Variants in SDK2 observed in about 807,000 individuals in gnomAD.
The protein encoded by SDK2 is sidekick cell adhesion molecule 2.
Under a neutral mutation model 253.9 loss-of-function variants are expected in SDK2, and 105 were observed. That is an observed-to-expected ratio of 0.41 (90% CI 0.35 to 0.49). The LOEUF (loss-of-function observed/expected upper bound fraction) is 0.49. Ranked by LOEUF, SDK2 falls within the 20% of genes least tolerant of loss-of-function variation. The pLI is 0.06. For synonymous variants in SDK2, 1,249 were observed against 1,234.9 expected (o/e 1.01, Z -0.24); for missense variants, 2,608 against 3,003.0 (o/e 0.87, Z 3.07).
chr17:73,345,727 G>T (rs2062477504), intron 44 of SDK2, among the ~76,000 whole-genome samples: 1 of 152,052 alleles, frequency 6.6e-6, no homozygotes, highest in Non-Finnish European at 1.5e-5. Context: ...AGGGGTGGGG[G>T]CCTTCCCAAC....
chr17:73,505,973 G>C (rs750783918), intron 2 of SDK2, among the ~76,000 whole-genome samples: 2 of 152,234 alleles, frequency 1.3e-5, no homozygotes, highest in Non-Finnish European at 2.9e-5. Flanking sequence ...AGCAGTGCCA[G>C]GGCCCCAGAA....
In SDK2 at chr17:73,494,960, A is replaced by C. The variant is rs370056397; in HGVS notation, c.224+12478T>G. Among the ~76,000 whole-genome samples the C allele has an allele frequency of 1.2e-4, 19 of 152,352 alleles. No individual in the cohort carries two copies. The East Asian group carries it at 3.3e-3, about 26-fold the overall frequency. On this transcript the variant is annotated intron_variant, in intron 2 of 44. Transcript: ENST00000392650. ...TTGGCTAATGGTTTTAGCAGGACTG[A>C]TCAGAGGAGGCGGGAGTGAATCATT... is the stretch of plus-strand genomic sequence containing the variant.
intron 40 of SDK2, among the ~76,000 whole-genome samples, chr17:73,357,171 G>A (rs938101605): frequency 3.9e-5 from 6 of 152,214 alleles, no homozygotes; most frequent in East Asian, 3.8e-4. Flanking sequence ...AGGCAGGAGC[G>A]GTGGTAATGT....
intron 1 of SDK2, among the ~76,000 whole-genome samples, chr17:73,617,948 A>G (rs1366172295): frequency 6.6e-6 from 1 of 152,188 alleles, no homozygotes; most frequent in Non-Finnish European, 1.5e-5. Context: ...TTAAAACAAA[A>G]CAGAACAAAG....
rs2044862021 is a variant in SDK2, at chr17:73,541,108, C to T, written c.65-33511G>A. ...CTGCCCAGCCCCTAACATGGGGCAC[C>T]CCTCCCGCTACTCCTGGCCAAAGTG... On this transcript the variant is annotated intron_variant, in intron 1 of 44. Transcript: ENST00000392650. This position sits in a 1 kb window ranked among gnomAD's most constrained non-coding sequence, Gnocchi z 4.3. Among the ~76,000 whole-genome samples, 1 of 152,214 alleles carries T rather than the reference C, an allele frequency of 6.6e-6. No homozygotes were observed. The highest frequency in any genetic ancestry group is 1.5e-5 in the Non-Finnish European group (1 of 68,042).
chr17:73,343,356 A>C (rs1310615728), intron 44 of SDK2, among the ~76,000 whole-genome samples: 2 of 152,254 alleles, frequency 1.3e-5, no homozygotes, highest in African/African-American at 4.8e-5. Flanking sequence ...AGGGCTTTGC[A>C]TCAGCGACTG....
rs973897734 is a variant in SDK2, at chr17:73,395,707, C to T, written c.3355-315G>A. Among the ~76,000 whole-genome samples the T allele has an allele frequency of 3.3e-5, 5 of 152,208 alleles. No individual in the cohort carries two copies. The highest frequency in any genetic ancestry group is 6.5e-5 in the Admixed American group (1 of 15,286). On this transcript the variant is annotated intron_variant, in intron 24 of 44. Coordinates refer to ENST00000392650, the MANE Select transcript of SDK2 (RefSeq NM_001144952.2). The surrounding 1 kb of genome is among the most constrained non-coding windows in gnomAD (Gnocchi z 4.3). Reference sequence around the variant, plus strand: ...TGTGTGTCTGACACACCGATAGCACCGCCACCTTTGGCTCTGCTGTCTCTG... The same window carrying T: ...TGTGTGTCTGACACACCGATAGCACTGCCACCTTTGGCTCTGCTGTCTCTG...
Position 73,541,143 on chromosome 17 carries a change from C to A in SDK2, c.65-33546G>T, listed in dbSNP as rs555855490. Among the ~76,000 whole-genome samples, 1 of 152,330 alleles carries A rather than the reference C, an allele frequency of 6.6e-6. No homozygotes were observed. The highest frequency in any genetic ancestry group is 2.1e-4 in the South Asian group (1 of 4,824). On this transcript the variant is annotated intron_variant, in intron 1 of 44. Transcript: ENST00000392650. This position sits in a 1 kb window ranked among gnomAD's most constrained non-coding sequence, Gnocchi z 4.3. ...ACTCCTGGCCAAAGTGGTATGAGCA[C>A]CCTCAGAGCAGCTGTGAGGACAGCT...
chr17:73,591,215 G>T (rs2045677574), intron 1 of SDK2, among the ~76,000 whole-genome samples: 1 of 152,164 alleles, frequency 6.6e-6, no homozygotes, highest in Non-Finnish European at 1.5e-5. Context: ...ACCGCACCCG[G>T]TCTTAACTGT....
chr17:73,390,662 C>G (rs559855897), intron 28 of SDK2, among the ~76,000 whole-genome samples, 181 bp from the exon 29 acceptor site: 1 of 152,308 alleles, frequency 6.6e-6, no homozygotes, highest in African/African-American at 2.4e-5. Flanking sequence ...TCAGCTGCCA[C>G]CTGGGGAGGG....
intron 44 of SDK2, among the ~76,000 whole-genome samples, chr17:73,347,537 C>A (rs1404295086): frequency 6.6e-6 from 1 of 152,170 alleles, no homozygotes; most frequent in East Asian, 1.9e-4. Flanking sequence ...GAGTGGGAGG[C>A]CCTCAGCCCA....
intron 1 of SDK2, among the ~76,000 whole-genome samples, chr17:73,552,552 G>T (rs937874702): frequency 6.6e-6 from 1 of 152,126 alleles, no homozygotes; most frequent in African/African-American, 2.4e-5. Context: ...TACTCGGCCG[G>T]AGTACCCATC....
intron 1 of SDK2, among the ~76,000 whole-genome samples, chr17:73,613,508 T>G (rs2143142924): frequency 6.6e-6 from 1 of 152,168 alleles, no homozygotes; most frequent in South Asian, 2.1e-4. Flanking sequence ...CTAATCCCAT[T>G]TCATCCGCTT....
chr17:73,483,703 A>AT lies in SDK2; in HGVS notation c.225-11486dup, dbSNP rs1425316119. Among the ~76,000 whole-genome samples, 32 of 60,224 alleles carry AT rather than the reference A, an allele frequency of 5.3e-4. 2 individuals carry two copies. Among genetic ancestry groups the AT allele is most frequent in the Middle Eastern group, 7.4e-3 (1 of 136 alleles). The allele number at this position is 60,224 out of a possible 152,430, so 39.5% of individuals were successfully genotyped here. On this transcript the variant is annotated intron_variant, in intron 2 of 44. Coordinates refer to ENST00000392650, the MANE Select transcript of SDK2 (RefSeq NM_001144952.2). ...TATATTTATATATATATATATATAT[A>AT]TATATTTTTTTTTTTTTTTAGTAGA...
chr17:73,582,039 C>T (rs1012569437), intron 1 of SDK2, among the ~76,000 whole-genome samples: 2 of 152,178 alleles, frequency 1.3e-5, no homozygotes, highest in Non-Finnish European at 2.9e-5. Flanking sequence ...GAGGCCCTCT[C>T]GTATCTTACT....
chr17:73,405,458 A>C (rs1414507486), intron 18 of SDK2, among the ~76,000 whole-genome samples: 2 of 105,832 alleles, frequency 1.9e-5, no homozygotes, highest in South Asian at 6.7e-4. Context: ...AAAAAAACAA[A>C]CAAAAAACCA....
At chr17:73,453,184 A>G (rs2063500442) in intron 4 of SDK2, among the ~76,000 whole-genome samples, 1 of 152,126 alleles carries the variant, frequency 6.6e-6, no homozygotes, top group Non-Finnish European at 1.5e-5. Context: ...CAGAAGCTGG[A>G]AAAGTGTATG....
At chr17:73,527,612 T>G (rs970620578) in intron 1 of SDK2, among the ~76,000 whole-genome samples, 1 of 152,140 alleles carries the variant, frequency 6.6e-6, no homozygotes, top group South Asian at 2.1e-4. Flanking sequence ...CAGGGCTCTA[T>G]CCTAATGCCG....
chr17:73,564,601 G>T lies in SDK2; in HGVS notation c.65-57004C>A, dbSNP rs151147691. ...GCACTTTGGGAGGTCGAGACAGGTG[G>T]ATCACTTGAGGCCAGGAGTTTGAGA... On this transcript the variant is annotated intron_variant, in intron 1 of 44. Coordinates refer to ENST00000392650, the MANE Select transcript of SDK2 (RefSeq NM_001144952.2). 6.1e-3 allele frequency among the ~76,000 whole-genome samples: 923 copies of T among 152,266 alleles called. 10 individuals are homozygous for T. The highest frequency in any genetic ancestry group is 0.021 in the African/African-American group (881 of 41,542).
Sources: allele counts gnomAD v4.1 joint callset (sites outside exome capture counted in the v4.1 genomes callset), GRCh38; gene constraint gnomAD v4.1.1; non-coding constraint Gnocchi (gnomAD v3.1); transcripts MANE v1.5; gene names NCBI Gene and HGNC (gene_info 2026-07-23, HGNC 2026-07-21).